CTIF: variants seen among roughly 807,000 people sequenced by gnomAD.
The protein encoded by CTIF is CBP80/20-dependent translation initiation factor.
Under a neutral mutation model 66.0 loss-of-function variants are expected in CTIF, and 21 were observed. The observed-to-expected ratio is 0.32, with a 90% CI of 0.23 to 0.46. The LOEUF is 0.46. Ranked by LOEUF, CTIF falls within the 20% of genes least tolerant of loss-of-function variation. The pLI is 1.00. For missense variants in CTIF, 739 were observed against 812.7 expected, an observed-to-expected ratio of 0.91 and a Z score of 1.10; for synonymous variants, 345 against 326.4, an observed-to-expected ratio of 1.06 and a Z score of -0.62.
chr18:48,843,895 C>T (rs2069008961), intron 10 of CTIF, among the ~76,000 whole-genome samples: 1 of 152,226 alleles, frequency 6.6e-6, no homozygotes. Flanking sequence ...TTGGAGAAAT[C>T]ATTTCCTTCC....
intron 6 of CTIF, chr18:48,673,595 G>A (rs2091574762): frequency 6.6e-6 from 1 of 152,172 alleles, no homozygotes; most frequent in Non-Finnish European, 1.5e-5. Context: ...CTGGTCTCCA[G>A]GGTAGCTCCT....
chr18:48,760,774 G>C (rs1908911556), intron 8 of CTIF: 1 of 152,286 alleles, frequency 6.6e-6, no homozygotes, highest in Non-Finnish European at 1.5e-5. Flanking sequence ...AACTGTTTTA[G>C]TGGCACATGG....
chr18:48,596,533 T>A (rs554746867), intron 1 of CTIF, among the ~76,000 whole-genome samples: 48 of 151,976 alleles, frequency 3.2e-4, no homozygotes, highest in African/African-American at 1.1e-3. Context: ...CAGGCTGGAA[T>A]GCAGTGGCGG....
At chr18:48,747,111 A>C (rs1429856337) in intron 7 of CTIF, among the ~76,000 whole-genome samples, 1 of 152,190 alleles carries the variant, frequency 6.6e-6, no homozygotes, top group Non-Finnish European at 1.5e-5. Flanking sequence ...GAGTTTGATC[A>C]GATTTTAGGA....
At chr18:48,824,017 C>A (rs2068535436) in intron 10 of CTIF, among the ~76,000 whole-genome samples, 1 of 144,750 alleles carries the variant, frequency 6.9e-6, no homozygotes. Flanking sequence ...CACACACAAA[C>A]TGCTAGAACT....
intron 1 of CTIF, among the ~76,000 whole-genome samples, chr18:48,608,536 G>C (rs374432815): frequency 8.5e-5 from 13 of 152,286 alleles, no homozygotes; most frequent in African/African-American, 2.9e-4. Context: ...GCTGCTATGA[G>C]CATTCTGAGG....
At chr18:48,685,057 C>G (rs1163804927) in intron 6 of CTIF, among the ~76,000 whole-genome samples, 1 of 142,588 alleles carries the variant, frequency 7.0e-6, no homozygotes, top group Non-Finnish European at 1.5e-5. Context: ...GGTTTAGAAC[C>G]TATACAAGAT....
intron 1 of CTIF, among the ~76,000 whole-genome samples, chr18:48,542,048 C>T (rs553936555): frequency 6.6e-6 from 1 of 152,286 alleles, no homozygotes; most frequent in South Asian, 2.1e-4. Context: ...GGATTCTTGA[C>T]ACCTCAGGAA....
At chr18:48,672,723 A>G (rs2091556123) in intron 6 of CTIF, among the ~76,000 whole-genome samples, 1 of 152,176 alleles carries the variant, frequency 6.6e-6, no homozygotes, top group Admixed American at 6.5e-5. Flanking sequence ...TGCACCCCAG[A>G]AGAAGAGGGG....
intron 1 of CTIF, among the ~76,000 whole-genome samples, chr18:48,556,653 G>C (rs193171496): frequency 2.6e-5 from 4 of 152,052 alleles, no homozygotes; most frequent in Non-Finnish European, 5.9e-5. Flanking sequence ...CAACCTCTTC[G>C]TCCCAGGTTC....
intron 9 of CTIF, among the ~76,000 whole-genome samples, chr18:48,766,989 TCA>T (rs1190405150): frequency 1.3e-5 from 1 of 75,058 alleles, no homozygotes; most frequent in African/African-American, 3.6e-5. Context: ...GAAAAGGGCC[TCA>T]TTCTCACCCA....
At chr18:48,775,934 C>T (rs937438630) in intron 9 of CTIF, among the ~76,000 whole-genome samples, 1 of 152,246 alleles carries the variant, frequency 6.6e-6, no homozygotes, top group Non-Finnish European at 1.5e-5. Context: ...ACTGTAACCA[C>T]ACTGGCCCGT....
chr18:48,855,123 C>G (rs368571356), intron 10 of CTIF, among the ~76,000 whole-genome samples: 4 of 152,188 alleles, frequency 2.6e-5, no homozygotes, highest in African/African-American at 9.7e-5. Context: ...GACTTTGTCT[C>G]TTTTGTTTTG....
At chr18:48,606,072 G>A (rs1011408411) in intron 1 of CTIF, among the ~76,000 whole-genome samples, 13 of 152,158 alleles carry the variant, frequency 8.5e-5, no homozygotes, top group East Asian at 3.9e-4. Flanking sequence ...CTCTGTAATC[G>A]GGCTTTATGT....
chr18:48,718,931 G>C (rs969917683), intron 7 of CTIF, among the ~76,000 whole-genome samples: 1 of 152,106 alleles, frequency 6.6e-6, no homozygotes, highest in Admixed American at 6.5e-5. Context: ...AGTCTTCCAG[G>C]CCCTCAGCGT....
At chr18:48,845,823 G>A (rs1483713349) in intron 10 of CTIF, among the ~76,000 whole-genome samples, 1 of 152,038 alleles carries the variant, frequency 6.6e-6, no homozygotes, top group Admixed American at 6.5e-5. Context: ...CAAACCTGGG[G>A]GCTGGCCATC....
chr18:48,755,220 C>T (rs529777786), intron 7 of CTIF, among the ~76,000 whole-genome samples: 10 of 152,310 alleles, frequency 6.6e-5, no homozygotes, highest in Non-Finnish European at 1.3e-4. Context: ...AAAAATAACT[C>T]ACATTGAAAG....
At chr18:48,787,907 G>A (rs747486324) in intron 9 of CTIF, among the ~76,000 whole-genome samples, 4 of 152,212 alleles carry the variant, frequency 2.6e-5, no homozygotes, top group Admixed American at 6.5e-5. Flanking sequence ...TGTCCACAGT[G>A]CCAAGGGTTG....
Position 48,758,254 on chromosome 18 carries a change from C to T in CTIF, c.920C>T (p.Ala307Val). 1 of 1,613,612 alleles carries T rather than the reference C, an allele frequency of 6.2e-7. No homozygotes were observed. Among genetic ancestry groups the T allele is most frequent in the Non-Finnish European group, 8.5e-7 (1 of 1,179,878 alleles). ...PRSPDTLAPV[A>V]SERLPPQQSG... Reference sequence around the variant, plus strand: ...AGCCCTGACACCCTGGCCCCGGTGGCTTCTGAGCGGCTGCCCCCACAGCAG... The same window carrying T: ...AGCCCTGACACCCTGGCCCCGGTGGTTTCTGAGCGGCTGCCCCCACAGCAG... Residue 307 changes from alanine to valine, a missense_variant, in exon 8 of 12, where the codon GCT (alanine) becomes GTT (valine). This residue lies in a region of CTIF where 529 missense variants were observed against 520.3 expected (regional missense o/e 1.02). Transcript: ENST00000256413.
Sources: allele counts gnomAD v4.1 joint callset (sites outside exome capture counted in the v4.1 genomes callset), GRCh38; gene constraint gnomAD v4.1.1; regional missense constraint gnomAD v4.1.1; transcripts MANE v1.5; gene names NCBI Gene and HGNC (gene_info 2026-07-23, HGNC 2026-07-21).